The following WDFY3 variants were observed in gnomAD, a reference collection of about 807,000 sequenced individuals.
WDFY3 encodes the protein WD repeat and FYVE domain-containing protein 3.
Under a neutral mutation model 409.6 loss-of-function variants are expected in WDFY3, and 66 were observed. The ratio of observed to expected loss-of-function variants is 0.16; its 90% CI spans 0.13 to 0.20. WDFY3 has a LOEUF of 0.20. Ranked by LOEUF, WDFY3 falls within the 10% of genes least tolerant of loss-of-function variation. The pLI, the probability that WDFY3 is intolerant of heterozygous loss-of-function variation, is 1.00. For synonymous variants in WDFY3, 1,521 were observed against 1,537.1 expected (o/e 0.99, Z 0.25); for missense variants, 3,031 against 4,298.1 (o/e 0.71, Z 8.24).
At chr4:84,686,790 C>T (rs981797022) in intron 62 of WDFY3, among the ~76,000 whole-genome samples, 7 of 152,078 alleles carry the variant, frequency 4.6e-5, no homozygotes, top group African/African-American at 7.2e-5. Flanking sequence ...CTTGCTAATG[C>T]GACACACATC....
chr4:84,847,657 C>G (rs1408539103), intron 5 of WDFY3, among the ~76,000 whole-genome samples: 1 of 147,972 alleles, frequency 6.8e-6, no homozygotes, highest in East Asian at 2.0e-4. Flanking sequence ...GCCTGTAGTC[C>G]CAGCTACCCA....
intron 1 of WDFY3, among the ~76,000 whole-genome samples, chr4:84,963,175 G>C (rs1775140874): frequency 6.6e-6 from 1 of 150,570 alleles, no homozygotes; most frequent in Non-Finnish European, 1.5e-5. Flanking sequence ...TGTAATACCA[G>C]CATTTTGGGA....
chr4:84,832,020 T>C (rs1465552828), intron 7 of WDFY3, among the ~76,000 whole-genome samples: 1 of 152,146 alleles, frequency 6.6e-6, no homozygotes, highest in Non-Finnish European at 1.5e-5. Flanking sequence ...AATTCGTATG[T>C]CAAAGAGATA....
chr4:84,942,497 T>G (rs1772271749), intron 1 of WDFY3, among the ~76,000 whole-genome samples: 1 of 152,214 alleles, frequency 6.6e-6, no homozygotes, highest in Admixed American at 6.5e-5. Flanking sequence ...AGCCTTTTTG[T>G]GGACATGTGC....
intron 10 of WDFY3, 34 bp downstream of exon 10, chr4:84,826,777 TTCTC>T (rs765037298): frequency 6.5e-6 from 10 of 1,528,728 alleles, no homozygotes; most frequent in Non-Finnish European, 8.7e-6. Flanking sequence ...CTTTCTCTAT[TTCTC>T]TCAGTAGCAC....
chr4:84,839,806 C>T (rs1484706976), intron 6 of WDFY3, among the ~76,000 whole-genome samples: 7 of 151,362 alleles, frequency 4.6e-5, no homozygotes, highest in African/African-American at 1.7e-4. Flanking sequence ...TGCAGTGAGC[C>T]GAGGCCGCAC....
At chr4:84,817,666 T>G in intron 12 of WDFY3, 81 bp from the exon 13 acceptor site, 1 of 1,262,436 alleles carries the variant, frequency 7.9e-7, no homozygotes, top group Non-Finnish European at 1.1e-6. Context: ...ATTCAGTTAT[T>G]TTTTGTAGGT....
Position 84,721,576 on chromosome 4 carries a change from C to T in WDFY3, c.7442-4G>A. The T allele has an allele frequency of 2.5e-6, 4 of 1,603,238 alleles. No individual in the cohort carries two copies. The South Asian group carries it at 4.4e-5, about 18-fold the overall frequency. On this transcript the variant is annotated splice_polypyrimidine_tract_variant and splice_region_variant and intron_variant, in intron 46 of 67. Coordinates refer to ENST00000295888, the MANE Select transcript of WDFY3 (RefSeq NM_014991.6). ...TTTAGAGGAGGCTTGACCAAACCTA[C>T]AGTATAATAACCAAGAGGGCCATGT...
chr4:84,766,045 A>G lies in WDFY3; in HGVS notation c.4971-18T>C. Reference sequence around the variant, plus strand: ...CACAAGCTCTATTCAAGACAGATGGATTTAAAAAACAAAAAACAAAATTAA... The same window carrying G: ...CACAAGCTCTATTCAAGACAGATGGGTTTAAAAAACAAAAAACAAAATTAA... On this transcript the variant is annotated intron_variant, in intron 31 of 67. Transcript: ENST00000295888. The G allele has an allele frequency of 6.3e-7, 1 of 1,585,976 alleles. No homozygotes were observed. Among genetic ancestry groups the G allele is most frequent in the Non-Finnish European group, 8.6e-7 (1 of 1,169,512 alleles).
At chr4:84,769,905 A>G (rs909122304) in intron 30 of WDFY3, among the ~76,000 whole-genome samples, 3 of 151,846 alleles carry the variant, frequency 2.0e-5, no homozygotes, top group Non-Finnish European at 2.9e-5. Flanking sequence ...AGCAACCACC[A>G]CCCTGGTCAA....
chr4:84,778,690 A>C (rs774310745), intron 26 of WDFY3, 35 bp from the exon 27 acceptor site: 1 of 1,586,254 alleles, frequency 6.3e-7, no homozygotes, highest in South Asian at 1.2e-5. Flanking sequence ...CTGTTGATAA[A>C]TCATCATATA....
chr4:84,751,582 A>G lies in WDFY3; in HGVS notation c.5874T>C (p.Ala1958=). The part of the protein sequence containing the change: ...GTKTYLTNHP[A]KKFVFDFMRV... ...GCATGAAGTCAAAAACGAACTTTTT[A>G]GCCGGGTGATTGGTCAGATATGTCT... Residue 1958 remains alanine, a synonymous_variant, in exon 36 of 68, where the codon GCT becomes GCC. Transcript: ENST00000295888. 2 of 1,614,216 alleles carry G rather than the reference A, an allele frequency of 1.2e-6. No homozygotes were observed. The highest frequency in any genetic ancestry group is 1.7e-6 in the Non-Finnish European group (2 of 1,180,032).
At chr4:84,952,976 T>G (rs775416678) in intron 1 of WDFY3, among the ~76,000 whole-genome samples, 1 of 152,062 alleles carries the variant, frequency 6.6e-6, no homozygotes, top group Admixed American at 6.5e-5. Context: ...ATAGATGCAT[T>G]CCTCATGTTC....
intron 1 of WDFY3, among the ~76,000 whole-genome samples, chr4:84,942,530 C>T (rs1304872045): frequency 6.6e-6 from 1 of 152,114 alleles, no homozygotes; most frequent in Non-Finnish European, 1.5e-5. Flanking sequence ...TATAGATATA[C>T]TTAGGAATGG....
At chr4:84,896,631 C>A (rs890996973) in intron 3 of WDFY3, among the ~76,000 whole-genome samples, 7 of 152,090 alleles carry the variant, frequency 4.6e-5, no homozygotes, top group African/African-American at 1.4e-4. Context: ...TCACTAATTT[C>A]TTGAATATCT....
chr4:84,762,928 A>T (rs2149371439), intron 32 of WDFY3, among the ~76,000 whole-genome samples: 1 of 152,274 alleles, frequency 6.6e-6, no homozygotes, highest in African/African-American at 2.4e-5. Context: ...CCTGGACCAC[A>T]TAACAAGACC....
intron 3 of WDFY3, among the ~76,000 whole-genome samples, chr4:84,893,707 C>T (rs1425318119): frequency 6.6e-6 from 1 of 152,158 alleles, no homozygotes; most frequent in African/African-American, 2.4e-5. Context: ...AAAAAATAGG[C>T]TGGGCACGGG....
intron 5 of WDFY3, 84 bp downstream of exon 5, chr4:84,849,817 GT>G: frequency 6.4e-7 from 1 of 1,556,154 alleles, no homozygotes; most frequent in Non-Finnish European, 8.7e-7. Context: ...AACAAGGTCT[GT>G]TTTCCATTTA....
intron 53 of WDFY3, among the ~76,000 whole-genome samples, chr4:84,708,206 G>T (rs947945164): frequency 1.1e-4 from 16 of 152,144 alleles, no homozygotes; most frequent in Admixed American, 5.9e-4. Flanking sequence ...TGAATTGTTG[G>T]AAATCTTCTA....
Sources: gnomAD v4.1 joint callset for allele counts (sites outside exome capture counted in the v4.1 genomes callset) on GRCh38, gnomAD v4.1.1 for gene constraint, MANE v1.5 for transcripts, NCBI Gene and HGNC (gene_info 2026-07-23, HGNC 2026-07-21) for gene names.